Variants in SLC28A3 observed in about 807,000 individuals in gnomAD.
The protein encoded by SLC28A3 is concentrative Na(+)-nucleoside cotransporter 3.
In SLC28A3, 68 loss-of-function variants were observed where a neutral mutation model predicts 84.2. That is an observed-to-expected ratio of 0.81 (90% confidence interval 0.66 to 0.99). The LOEUF (loss-of-function observed/expected upper bound fraction) is 0.99, where lower values mean the gene tolerates loss of function less well. Among genes scored for constraint, SLC28A3 ranks in the 50% least tolerant of loss-of-function variants. SLC28A3 has a pLI of 0.00. For missense variants in SLC28A3, 712 were observed against 841.5 expected (o/e 0.85, Z 1.90); for synonymous variants, 267 against 303.6 (o/e 0.88, Z 1.25).
chr9:84,341,899 C>A (rs1168491338), upstream of SLC28A3, among the ~76,000 whole-genome samples: 2 of 152,000 alleles, frequency 1.3e-5, no homozygotes, highest in Non-Finnish European at 2.9e-5. Context: ...GAGCCCAAGG[C>A]GGGTGGATCA....
In SLC28A3 at chr9:84,276,459, A is replaced by C. The variant is rs1824528632; in HGVS notation, c.*1759T>G. The C allele has an allele frequency of 6.6e-6, 1 of 152,082 alleles. No individual in the cohort carries two copies. Among genetic ancestry groups the C allele is most frequent in the Admixed American group, 6.6e-5 (1 of 15,226 alleles). The allele number at this position is 152,082 out of a possible 1,614,324, so 9.4% of individuals were successfully genotyped here. A position where few individuals can be genotyped will look rare whatever the true frequency, so the allele number is the denominator to read the frequency against. On this transcript the variant is annotated 3_prime_UTR_variant, in exon 18 of 18. Coordinates refer to ENST00000376238, the MANE Select transcript of SLC28A3 (RefSeq NM_001199633.2). ...ATGTACATGCACTGTCCAGAGTAGGAAAAAGAGAACCCCCAAACCAAAACC... is the reference window on the plus strand; with the variant it reads ...ATGTACATGCACTGTCCAGAGTAGGCAAAAGAGAACCCCCAAACCAAAACC...
intron 1 of SLC28A3, among the ~76,000 whole-genome samples, chr9:84,337,441 T>TGTGTGTGTGTGTGCGC (rs1364543892): frequency 1.3e-5 from 2 of 150,904 alleles, no homozygotes; most frequent in African/African-American, 5.0e-5. Context: ...CCTGTGTGTG[T>TGTGTGTGTGTGTGCGC]GCGCGCGCGT....
chr9:84,336,909 C>A (rs1826995688), intron 1 of SLC28A3, among the ~76,000 whole-genome samples: 2 of 152,184 alleles, frequency 1.3e-5, no homozygotes, highest in African/African-American at 4.8e-5. Context: ...ACCTGACCAT[C>A]CTTAAAGCCC....
At chr9:84,367,273 C>A in the SLC28A3 span, among the ~76,000 whole-genome samples, 1 of 152,226 alleles carries the variant, frequency 6.6e-6, no homozygotes, top group East Asian at 1.9e-4. Context: ...TGGCCTGGGA[C>A]TCACCCTTCA....
intron 1 of SLC28A3, among the ~76,000 whole-genome samples, chr9:84,325,398 A>AATG (rs1221767329): frequency 5.9e-5 from 9 of 152,248 alleles, no homozygotes; most frequent in African/African-American, 2.2e-4. Flanking sequence ...TAAATGAATG[A>AATG]AATCATAAAA....
At position 84,294,261 on chromosome 9, in the gene SLC28A3, C is replaced by T. The variant is rs751024348; in HGVS notation, c.876G>A (p.Val292=). The change falls in exon 9 of 18, where the codon GTG becomes GTA. Residue 292 remains valine, a synonymous_variant. Transcript: ENST00000376238. ...HFFAFKVLPI[V]VFFSTVMSML... ...TGGACATCACAGTGCTGAAGAAAAC[C>T]ACGATCGGCAGGACCTGTGGGGACA... The T allele has an allele frequency of 2.5e-6, 4 of 1,614,108 alleles. No homozygotes were observed. Among genetic ancestry groups the T allele is most frequent in the Non-Finnish European group, 3.4e-6 (4 of 1,179,974 alleles).
intron 2 of SLC28A3, among the ~76,000 whole-genome samples, chr9:84,310,152 C>T (rs1825942372): frequency 6.6e-6 from 1 of 152,166 alleles, no homozygotes; most frequent in Non-Finnish European, 1.5e-5. Context: ...TCCCCGGCAG[C>T]CCAAGGCTTG....
At chr9:84,318,776 G>C (rs7038502) in intron 1 of SLC28A3, among the ~76,000 whole-genome samples, 15,560 of 152,022 alleles carry the variant, frequency 0.1, 1,063 homozygotes, top group East Asian at 0.36. Flanking sequence ...GGGTGAGACA[G>C]GAGAATCTCT....
chr9:84,297,199 T>C, intron 8 of SLC28A3, 22 bp downstream of exon 8: 6 of 1,596,384 alleles, frequency 3.8e-6, no homozygotes, highest in Non-Finnish European at 5.1e-6. Context: ...AGCGACTACA[T>C]AGAAAAAAGG....
chr9:84,314,915 A>T (rs1826117382), intron 1 of SLC28A3, among the ~76,000 whole-genome samples: 1 of 152,112 alleles, frequency 6.6e-6, no homozygotes. Flanking sequence ...CGTCTCTACT[A>T]AAAATACAAA....
the SLC28A3 span, among the ~76,000 whole-genome samples, chr9:84,348,715 T>C: frequency 3.9e-5 from 6 of 152,196 alleles, no homozygotes; most frequent in Non-Finnish European, 8.8e-5. Context: ...TTAATGTGGT[T>C]ATCTGAGGAG....
chr9:84,290,557 A>T (rs1402271610), intron 10 of SLC28A3, among the ~76,000 whole-genome samples: 1 of 152,178 alleles, frequency 6.6e-6, no homozygotes, highest in Non-Finnish European at 1.5e-5. Context: ...CACACCATCG[A>T]CGTCTGGGTT....
At chr9:84,305,017 A>G (rs2118338159) in intron 4 of SLC28A3, among the ~76,000 whole-genome samples, 1 of 152,244 alleles carries the variant, frequency 6.6e-6, no homozygotes, top group Non-Finnish European at 1.5e-5. Flanking sequence ...GCTAGACTCC[A>G]TCTCAAAGAA....
intron 2 of SLC28A3, among the ~76,000 whole-genome samples, chr9:84,311,363 C>T (rs1203919738): frequency 2.6e-5 from 4 of 151,994 alleles, no homozygotes; most frequent in Non-Finnish European, 5.9e-5. Flanking sequence ...GTCTACCCAC[C>T]CTCACCTTCC....
At chr9:84,291,175 G>A (rs1489716685) in intron 10 of SLC28A3, among the ~76,000 whole-genome samples, 3 of 152,096 alleles carry the variant, frequency 2.0e-5, no homozygotes, top group Admixed American at 6.5e-5. Flanking sequence ...AACCCTGTGC[G>A]GGAGCCCTCT....
At chr9:84,352,796 G>A in the SLC28A3 span, among the ~76,000 whole-genome samples, 1,442 of 148,582 alleles carry the variant, frequency 9.7e-3, 10 homozygotes, top group East Asian at 0.032. Flanking sequence ...TGGTGGCTTA[G>A]GTACAAGGAT....
intron 16 of SLC28A3, 108 bp from the exon 17 acceptor site, chr9:84,279,493 G>C: frequency 1.1e-6 from 1 of 888,000 alleles, no homozygotes; most frequent in Non-Finnish European, 1.5e-6. Context: ...CCAGGCTAGA[G>C]TGTAGTGGCA....
At chr9:84,282,504 A>G (rs148839691) in intron 14 of SLC28A3, among the ~76,000 whole-genome samples, 1 of 152,366 alleles carries the variant, frequency 6.6e-6, no homozygotes, top group African/African-American at 2.4e-5. Flanking sequence ...CACAACTCTG[A>G]CCACTCCGTG....
intron 17 of SLC28A3, among the ~76,000 whole-genome samples, chr9:84,279,010 G>A (rs1387500939): frequency 1.3e-5 from 2 of 152,106 alleles, no homozygotes; most frequent in Non-Finnish European, 2.9e-5. Context: ...TAGTGTTATA[G>A]TTGCTAGCCT....
Sources: allele counts gnomAD v4.1 joint callset (sites outside exome capture counted in the v4.1 genomes callset), GRCh38; gene constraint gnomAD v4.1.1; transcripts MANE v1.5; gene names NCBI Gene and HGNC (gene_info 2026-07-23, HGNC 2026-07-21).